Variants in IFNGR2 observed in about 807,000 individuals in gnomAD.
IFNGR2 encodes interferon gamma receptor 2.
Under a neutral mutation model 41.1 loss-of-function variants are expected in IFNGR2, and 15 were observed. The observed-to-expected ratio is 0.37, with a 90% CI of 0.24 to 0.56. The LOEUF is 0.56. Ranked by LOEUF, IFNGR2 falls within the 20% of genes least tolerant of loss-of-function variation. The pLI, the probability that IFNGR2 is intolerant of heterozygous loss-of-function variation, is 0.81. For synonymous variants in IFNGR2, 161 were observed against 171.6 expected, an observed-to-expected ratio of 0.94 and a Z score of 0.48; for missense variants, 362 against 415.7, an observed-to-expected ratio of 0.87 and a Z score of 1.12.
At chr21:33,412,507 G>C (rs2083724542) in intron 1 of IFNGR2, among the ~76,000 whole-genome samples, 1 of 152,168 alleles carries the variant, frequency 6.6e-6, no homozygotes, top group African/African-American at 2.4e-5. Context: ...TACCGTCAAG[G>C]CCTGTCTCCT....
At chr21:33,420,375 CT>C (rs1280857217) in intron 2 of IFNGR2, among the ~76,000 whole-genome samples, 2 of 152,176 alleles carry the variant, frequency 1.3e-5, no homozygotes, top group Admixed American at 1.3e-4. Flanking sequence ...AGTCTGTCAC[CT>C]AAGGCAAAGA....
chr21:33,416,829 A>AG (rs200472974), intron 2 of IFNGR2, among the ~76,000 whole-genome samples: 1 of 151,732 alleles, frequency 6.6e-6, no homozygotes, highest in East Asian at 1.9e-4. Context: ...CTCAAAAAAA[A>AG]AAAAAAAAGA....
chr21:33,408,122 A>T (rs2083691032), intron 1 of IFNGR2, among the ~76,000 whole-genome samples: 1 of 152,044 alleles, frequency 6.6e-6, no homozygotes, highest in South Asian at 2.1e-4. Flanking sequence ...AATGTTAATT[A>T]TATTTTATTT....
chr21:33,403,074 AAGCACCCGAGAGG>A (rs1213910019), upstream of IFNGR2: 1 of 140,094 alleles, frequency 7.1e-6, no homozygotes, highest in African/African-American at 2.6e-5. Flanking sequence ...TTGTGCGATC[AAGCACCCGAGAGG>A]AGAGTTGGGG....
intron 3 of IFNGR2, among the ~76,000 whole-genome samples, chr21:33,423,200 C>T (rs866677836): frequency 3.3e-5 from 5 of 151,348 alleles, no homozygotes; most frequent in Non-Finnish European, 5.9e-5. Flanking sequence ...CCACCACACC[C>T]GGCTAATTTT....
At chr21:33,427,844 C>CTT (rs71194844) in intron 4 of IFNGR2, among the ~76,000 whole-genome samples, 18,015 of 123,964 alleles carry the variant, frequency 0.15, 1,887 homozygotes, top group Non-Finnish European at 0.2. Flanking sequence ...CTCATTTCAT[C>CTT]TTTTTTTTTT....
chr21:33,437,119 T>G lies in IFNGR2; in HGVS notation c.*157T>G. 1 of 628,054 alleles carries G rather than the reference T, an allele frequency of 1.6e-6. No individual in the cohort carries two copies. 38.9% of individuals were successfully genotyped at this position (628,054 alleles called of 1,614,324 possible). ...TGAGAGACAGCAGGTCTCATGGGGG[T>G]GACAAGCTTTTTTTTTTTTTCTTAA... On this transcript the variant is annotated 3_prime_UTR_variant, in exon 7 of 7. Transcript: ENST00000290219.
At chr21:33,424,953 G>T (rs1013105360) in intron 3 of IFNGR2, among the ~76,000 whole-genome samples, 6 of 151,968 alleles carry the variant, frequency 3.9e-5, no homozygotes, top group Admixed American at 2.0e-4. Context: ...CTTGTCACCC[G>T]GGCTGGAGTG....
chr21:33,419,459 TTGTGTGTGTGTGTG>T (rs35945253), intron 2 of IFNGR2, among the ~76,000 whole-genome samples: 1 of 149,988 alleles, frequency 6.7e-6, no homozygotes, highest in Non-Finnish European at 1.5e-5. Flanking sequence ...TGTTTGAAAA[TTGTGTGTGTGTGTG>T]TGTGTGTGTA....
chr21:33,414,746 G>C (rs1411581790), intron 1 of IFNGR2, 142 bp from the exon 2 acceptor site: 3 of 992,410 alleles, frequency 3.0e-6, no homozygotes, highest in African/African-American at 3.2e-5. Flanking sequence ...CATGCCCAGG[G>C]GGACCTGGTA....
chr21:33,433,093 C>T (rs1252809135), intron 6 of IFNGR2, among the ~76,000 whole-genome samples: 1 of 152,064 alleles, frequency 6.6e-6, no homozygotes, highest in African/African-American at 2.4e-5. Context: ...GCTATGTTGG[C>T]CAGACTGGTC....
At chr21:33,432,686 T>C in intron 5 of IFNGR2, 28 bp from the exon 6 acceptor site, 1 of 1,612,120 alleles carries the variant, frequency 6.2e-7, no homozygotes, top group Non-Finnish European at 8.5e-7. Context: ...GGAAGATCAT[T>C]CTGTTCACTT....
intron 6 of IFNGR2, among the ~76,000 whole-genome samples, chr21:33,434,610 T>C (rs1442159909): frequency 2.0e-5 from 3 of 152,302 alleles, no homozygotes; most frequent in African/African-American, 7.2e-5. Flanking sequence ...GGAAGCAGAA[T>C]GTTACTCAGT....
chr21:33,409,906 G>T (rs2083704142), intron 1 of IFNGR2, among the ~76,000 whole-genome samples: 1 of 152,076 alleles, frequency 6.6e-6, no homozygotes, highest in Non-Finnish European at 1.5e-5. Flanking sequence ...CTTCTTTAAA[G>T]AATTCCCTCT....
At position 33,432,716 on chromosome 21, in the gene IFNGR2, T is replaced by C. The variant is rs145216430; in HGVS notation, c.724T>C (p.Ser242Pro). 4 of 1,613,968 alleles carry C rather than the reference T, an allele frequency of 2.5e-6. No individual in the cohort carries two copies. The African/African-American group carries it at 5.3e-5, about 22-fold the overall frequency. Residue 242 changes from serine (S) to proline (P), a missense_variant and splice_region_variant, in exon 6 of 7, where the codon TCC becomes CCC. By Grantham distance (74) the Ser-to-Pro change is moderately conservative (BLOSUM62 -1). Coordinates refer to ENST00000290219, the MANE Select transcript of IFNGR2 (RefSeq NM_005534.4). ...TCACTTTCGTGTCCTCTTTTTAGCC[T>C]CCACTGAGCTTCAGCAAGTCATCCT... The part of the protein sequence containing the change: ...ISCYETMADA[S>P]TELQQVILIS...
chr21:33,436,719 CA>C (rs1039163174), intron 6 of IFNGR2, 108 bp from the exon 7 acceptor site: 2,523 of 779,566 alleles, frequency 3.2e-3, no homozygotes, highest in Middle Eastern at 5.6e-3. Flanking sequence ...GACTCCATCT[CA>C]AAAAAAAAAT....
intron 1 of IFNGR2, among the ~76,000 whole-genome samples, chr21:33,404,631 G>A (rs1332963975): frequency 6.6e-6 from 1 of 152,076 alleles, no homozygotes; most frequent in Non-Finnish European, 1.5e-5. Flanking sequence ...GTCTCACTGT[G>A]TTGCCCAGGC....
chr21:33,403,820 G>C (rs1461272851), intron 1 of IFNGR2, among the ~76,000 whole-genome samples: 1 of 152,172 alleles, frequency 6.6e-6, no homozygotes, highest in African/African-American at 2.4e-5. Flanking sequence ...GGGTCTTGCG[G>C]GGTGCCCAGG....
At chr21:33,408,852 C>G (rs1036208569) in intron 1 of IFNGR2, among the ~76,000 whole-genome samples, 1 of 152,074 alleles carries the variant, frequency 6.6e-6, no homozygotes, top group Admixed American at 6.6e-5. Flanking sequence ...ACAAACTGAG[C>G]TGGGTTTTGA....
Sources: allele counts gnomAD v4.1 joint callset (sites outside exome capture counted in the v4.1 genomes callset), GRCh38; gene constraint gnomAD v4.1.1; transcripts MANE v1.5; gene names NCBI Gene and HGNC (gene_info 2026-07-23, HGNC 2026-07-21).